MAN2A1: variants seen among roughly 807,000 people sequenced by gnomAD.
The protein encoded by MAN2A1 is mannosidase alpha class 2A member 1, also known as alpha-mannosidase 2.
In MAN2A1, 76 loss-of-function variants were observed where a neutral mutation model predicts 142.6. The observed-to-expected ratio is 0.53, with a 90% confidence interval of 0.44 to 0.65. The LOEUF is 0.65. Ranked by LOEUF, MAN2A1 falls within the 30% of genes least tolerant of loss-of-function variation. The pLI is 0.00. For missense variants in MAN2A1, 1,311 were observed against 1,365.1 expected (o/e 0.96, Z 0.62); for synonymous variants, 559 against 473.2 (o/e 1.18, Z -2.35).
At chr5:109,740,175 C>T (rs960719128) in intron 4 of MAN2A1, among the ~76,000 whole-genome samples, 7 of 152,142 alleles carry the variant, frequency 4.6e-5, no homozygotes, top group East Asian at 1.9e-4. Flanking sequence ...GAACTTACAA[C>T]GTCTCCTTAG....
chr5:109,800,049 C>G (rs1248255803), intron 12 of MAN2A1, among the ~76,000 whole-genome samples: 1 of 148,888 alleles, frequency 6.7e-6, no homozygotes, highest in Non-Finnish European at 1.5e-5. Flanking sequence ...GATTGCGCCA[C>G]TGCACTCCAG....
chr5:109,816,941 T>A (rs1754477022), intron 12 of MAN2A1, among the ~76,000 whole-genome samples: 1 of 152,204 alleles, frequency 6.6e-6, no homozygotes, highest in Non-Finnish European at 1.5e-5. Context: ...AATATTCCTG[T>A]TAATTCTTCT....
chr5:109,735,418 A>T (rs570040967), intron 4 of MAN2A1, among the ~76,000 whole-genome samples: 6 of 152,238 alleles, frequency 3.9e-5, no homozygotes, highest in Middle Eastern at 3.4e-3. Flanking sequence ...TGTCATTTTG[A>T]TGTTAGCTGG....
At chr5:109,798,342 A>C (rs1270663141) in intron 12 of MAN2A1, among the ~76,000 whole-genome samples, 1 of 152,146 alleles carries the variant, frequency 6.6e-6, no homozygotes, top group Non-Finnish European at 1.5e-5. Flanking sequence ...TGTACTGTTA[A>C]CTCCTCAAAC....
chr5:109,800,880 A>T (rs1754010230), intron 12 of MAN2A1, among the ~76,000 whole-genome samples: 1 of 152,232 alleles, frequency 6.6e-6, no homozygotes, highest in Admixed American at 6.5e-5. Flanking sequence ...ATTATGAGAA[A>T]AAGTCATGTA....
rs758013087 is a variant in MAN2A1 at position 109,784,724 on chromosome 5, T to C, written c.1578-20T>C. The C allele has an allele frequency of 1.1e-5, 17 of 1,527,472 alleles. No individual in the cohort carries two copies. The highest frequency in any genetic ancestry group is 1.5e-5 in the Non-Finnish European group (17 of 1,139,222). The allele number at this position is 1,527,472 out of a possible 1,614,324, so 94.6% of individuals were successfully genotyped here. ...TAAAGTGTTTGTTTTAAAATAAAAA[T>C]ATGACTTTTATGCAATTAGGGCTGC... On this transcript the variant is annotated intron_variant, in intron 9 of 21. Coordinates refer to ENST00000261483, the MANE Select transcript of MAN2A1 (RefSeq NM_002372.4).
At chr5:109,758,226 T>C (rs1008732098) in intron 5 of MAN2A1, among the ~76,000 whole-genome samples, 1 of 152,152 alleles carries the variant, frequency 6.6e-6, no homozygotes, top group Non-Finnish European at 1.5e-5. Flanking sequence ...CTAATATGTG[T>C]GAAATGGTAA....
intron 7 of MAN2A1, among the ~76,000 whole-genome samples, chr5:109,774,347 G>A (rs1218770718): frequency 6.6e-6 from 1 of 151,992 alleles, no homozygotes; most frequent in Non-Finnish European, 1.5e-5. Flanking sequence ...ATTAGAGAAA[G>A]GAATATTAAG....
chr5:109,866,507 A>G (rs1404899113), intron 21 of MAN2A1, among the ~76,000 whole-genome samples: 5 of 152,176 alleles, frequency 3.3e-5, no homozygotes, highest in African/African-American at 4.8e-5. Context: ...TCTTTTATTG[A>G]AAAAGCCCCT....
In MAN2A1 at chr5:109,850,724, A is replaced by G. The variant is rs898550526; in HGVS notation, c.2976+2934A>G. On this transcript the variant is annotated intron_variant, in intron 19 of 21. Coordinates refer to ENST00000261483, the MANE Select transcript of MAN2A1 (RefSeq NM_002372.4). ...ATAAAAATTTTCACATCAAATCTATAAAGCTTTGACTTAGAAGTGAAATAA... is the reference window on the plus strand; with the variant it reads ...ATAAAAATTTTCACATCAAATCTATGAAGCTTTGACTTAGAAGTGAAATAA... Among the ~76,000 whole-genome samples, 6 of 152,306 alleles carry G rather than the reference A, an allele frequency of 3.9e-5. 1 individual carries two copies. Among genetic ancestry groups the G allele is most frequent in the Admixed American group, 3.9e-4 (6 of 15,292 alleles).
chr5:109,815,333 G>A (rs961532819), intron 12 of MAN2A1, among the ~76,000 whole-genome samples: 6 of 152,090 alleles, frequency 3.9e-5, no homozygotes, highest in South Asian at 2.1e-4. Flanking sequence ...ACCCTCCCTC[G>A]CCTTGAGAAT....
intron 4 of MAN2A1, among the ~76,000 whole-genome samples, chr5:109,730,560 T>C (rs1561482437): frequency 3.3e-5 from 5 of 151,390 alleles, no homozygotes. Context: ...AAAAACTGAT[T>C]AAAAAAAATA....
At chr5:109,800,621 T>C (rs1029769966) in intron 12 of MAN2A1, among the ~76,000 whole-genome samples, 5 of 152,250 alleles carry the variant, frequency 3.3e-5, no homozygotes, top group East Asian at 3.8e-4. Flanking sequence ...GTGTAAGTTA[T>C]ATAGAAAGAT....
intron 5 of MAN2A1, among the ~76,000 whole-genome samples, chr5:109,764,200 C>G (rs1186506704): frequency 3.3e-5 from 5 of 152,080 alleles, no homozygotes; most frequent in Non-Finnish European, 5.9e-5. Flanking sequence ...ATTAAATATA[C>G]TTAGAATAAT....
chr5:109,823,618 A>C, intron 15 of MAN2A1, 105 bp from the exon 16 acceptor site: 2 of 632,034 alleles, frequency 3.2e-6, no homozygotes, highest in Admixed American at 2.8e-5. Flanking sequence ...AAAATTGCAA[A>C]TATCAGGTGA....
intron 16 of MAN2A1, among the ~76,000 whole-genome samples, chr5:109,836,086 T>C (rs1206954893): frequency 6.6e-6 from 1 of 150,676 alleles, no homozygotes; most frequent in Non-Finnish European, 1.5e-5. Flanking sequence ...GTTTTTCTTT[T>C]AATAATAACA....
At position 109,690,365 on chromosome 5, in the gene MAN2A1, C is replaced by G; in HGVS notation, c.-53C>G. On this transcript the variant is annotated 5_prime_UTR_variant, in exon 1 of 22. Coordinates refer to ENST00000261483, the MANE Select transcript of MAN2A1 (RefSeq NM_002372.4). ...CGGCTGCTTCCTAGAGTCCACAGTG[C>G]GCTGTCTCCTTTGGCTGAGGAGAGT... 6.2e-7 allele frequency: 1 copy of G among 1,602,126 alleles called. No individual in the cohort carries two copies. Among genetic ancestry groups the G allele is most frequent in the Non-Finnish European group, 8.6e-7 (1 of 1,169,312 alleles).
At chr5:109,816,908 C>T (rs993432313) in intron 12 of MAN2A1, among the ~76,000 whole-genome samples, 2 of 152,090 alleles carry the variant, frequency 1.3e-5, no homozygotes, top group Non-Finnish European at 2.9e-5. Context: ...ATGAAATTGC[C>T]TGTTCTCTGA....
intron 12 of MAN2A1, among the ~76,000 whole-genome samples, chr5:109,803,309 A>C (rs181985341): frequency 2.0e-5 from 3 of 152,194 alleles, no homozygotes; most frequent in East Asian, 3.9e-4. Flanking sequence ...CCACCTGCTA[A>C]ATTGCCTGGT....
Sources: gnomAD v4.1 joint callset for allele counts (sites outside exome capture counted in the v4.1 genomes callset) on GRCh38, gnomAD v4.1.1 for gene constraint, MANE v1.5 for transcripts, NCBI Gene and HGNC (gene_info 2026-07-23, HGNC 2026-07-21) for gene names.